Variants in SMOC2 observed in about 807,000 individuals in gnomAD.
SMOC2 encodes SPARC related modular calcium binding 2, also known as SPARC-related modular calcium-binding protein 2.
SMOC2 carries 39 observed loss-of-function variants against 61.4 expected under a neutral mutation model. That is an observed-to-expected ratio of 0.64 (90% CI 0.49 to 0.83). The LOEUF is 0.83. Among genes scored for constraint, SMOC2 ranks in the 40% least tolerant of loss-of-function variants. The pLI is 0.00. For synonymous variants in SMOC2, 247 were observed against 239.9 expected, an observed-to-expected ratio of 1.03 and a Z score of -0.27; for missense variants, 556 against 592.9, an observed-to-expected ratio of 0.94 and a Z score of 0.65.
chr6:168,537,648 A>G (rs1783763983), intron 4 of SMOC2, among the ~76,000 whole-genome samples: 2 of 152,246 alleles, frequency 1.3e-5, no homozygotes, highest in Non-Finnish European at 2.9e-5. Flanking sequence ...GGCTTCTCAC[A>G]GGCCTGGAGC....
At chr6:168,493,097 C>T (rs1782506357) in intron 1 of SMOC2, among the ~76,000 whole-genome samples, 1 of 151,878 alleles carries the variant, frequency 6.6e-6, no homozygotes, top group African/African-American at 2.4e-5. Flanking sequence ...AGTGCAGTGG[C>T]AGGATCTCAG....
intron 2 of SMOC2, among the ~76,000 whole-genome samples, chr6:168,510,446 T>G (rs973278001): frequency 2.0e-5 from 3 of 152,248 alleles, no homozygotes; most frequent in African/African-American, 7.2e-5. Context: ...CAGTTTTCAG[T>G]GATTTTTTGG....
At chr6:168,540,933 C>T (rs1340286824) in intron 4 of SMOC2, among the ~76,000 whole-genome samples, 1 of 152,182 alleles carries the variant, frequency 6.6e-6, no homozygotes, top group Non-Finnish European at 1.5e-5. Context: ...CCTCACTCAC[C>T]TGGGAAGGGC....
At chr6:168,643,079 G>A (rs1391740451) in intron 9 of SMOC2, among the ~76,000 whole-genome samples, 1 of 152,076 alleles carries the variant, frequency 6.6e-6, no homozygotes, top group Non-Finnish European at 1.5e-5. Flanking sequence ...AAAGCCCTAG[G>A]CCCTCTAACT....
chr6:168,543,987 C>T (rs1208931774), intron 5 of SMOC2, among the ~76,000 whole-genome samples: 3 of 152,100 alleles, frequency 2.0e-5, no homozygotes, highest in Non-Finnish European at 2.9e-5. Flanking sequence ...TATTTTGGCT[C>T]CCTGTGGGAT....
At chr6:168,465,576 GCTA>G (rs1289576958) in intron 1 of SMOC2, among the ~76,000 whole-genome samples, 1 of 152,124 alleles carries the variant, frequency 6.6e-6, no homozygotes, top group Non-Finnish European at 1.5e-5. Flanking sequence ...TGTTAAAAAT[GCTA>G]CTTCTTTTTT....
chr6:168,474,799 G>A (rs975017849), intron 1 of SMOC2, among the ~76,000 whole-genome samples: 2 of 152,084 alleles, frequency 1.3e-5, no homozygotes, highest in East Asian at 1.9e-4. Flanking sequence ...TGTAGAAAAC[G>A]TGTAACAAAT....
intron 2 of SMOC2, among the ~76,000 whole-genome samples, chr6:168,522,743 C>T (rs1283095050): frequency 4.6e-5 from 7 of 151,966 alleles, no homozygotes. Flanking sequence ...CTGGTGTAGA[C>T]ATACATCAGC....
Position 168,631,857 on chromosome 6 carries a change from G to C in SMOC2, c.908-18824G>C, listed in dbSNP as rs115885574. Among the ~76,000 whole-genome samples, 901 of 152,292 alleles carry C rather than the reference G, an allele frequency of 5.9e-3. 13 individuals carry two copies. The highest frequency in any genetic ancestry group is 0.02 in the African/African-American group (827 of 41,556). ...TCTTTCTTCAGGAATTCTCCCTGAA[G>C]AGCAGAGTGAAGAGTTCATTTCCTG... is the stretch of plus-strand genomic sequence containing the variant. On this transcript the variant is annotated intron_variant, in intron 9 of 12. Coordinates refer to ENST00000356284, the MANE Select transcript of SMOC2 (RefSeq NM_001166412.2).
At chr6:168,489,147 G>T (rs1390436162) in intron 1 of SMOC2, among the ~76,000 whole-genome samples, 1,158 of 77,844 alleles carry the variant, frequency 0.015, no homozygotes, top group Middle Eastern at 0.075. Flanking sequence ...TCACACTGTT[G>T]TAGAATGAAA....
At chr6:168,615,138 GCA>G (rs1786034495) in intron 9 of SMOC2, among the ~76,000 whole-genome samples, 1 of 13,682 alleles carries the variant, frequency 7.3e-5, no homozygotes, top group Admixed American at 1.1e-3. Context: ...TCTACAGCCA[GCA>G]CAGGGGGCCT....
chr6:168,503,950 C>T (rs941427767), intron 1 of SMOC2, among the ~76,000 whole-genome samples: 1 of 152,152 alleles, frequency 6.6e-6, no homozygotes, highest in African/African-American at 2.4e-5. Context: ...GGGAGGAGCC[C>T]AGCACCTCCT....
chr6:168,564,706 C>G (rs943820043), intron 7 of SMOC2, among the ~76,000 whole-genome samples: 1 of 152,198 alleles, frequency 6.6e-6, no homozygotes. Flanking sequence ...GTCTAAGGAA[C>G]TAGTGCCTCA....
intron 8 of SMOC2, among the ~76,000 whole-genome samples, chr6:168,607,870 G>GCAACGGGAGGAGGGGGAGGGGTGGGCGCT (rs1785751128): frequency 1.8e-5 from 1 of 56,204 alleles, no homozygotes; most frequent in Non-Finnish European, 3.9e-5. Context: ...GTGGGTGCTT[G>GCAACGGGAGGAGGGGGAGGGGTGGGCGCT]GCAGCTGCTA....
At chr6:168,480,388 T>C (rs79229952) in intron 1 of SMOC2, among the ~76,000 whole-genome samples, 1 of 151,840 alleles carries the variant, frequency 6.6e-6, no homozygotes, top group African/African-American at 2.4e-5. Context: ...GAAAATAATA[T>C]ATGAACAAAA....
At chr6:168,547,800 GT>G (rs1784042070) in intron 6 of SMOC2, among the ~76,000 whole-genome samples, 1 of 151,970 alleles carries the variant, frequency 6.6e-6, no homozygotes, top group South Asian at 2.1e-4. Flanking sequence ...GGCACCCACT[GT>G]TTTTCCTGAT....
chr6:168,570,544 T>G (rs1233469245), intron 7 of SMOC2, among the ~76,000 whole-genome samples: 2 of 152,158 alleles, frequency 1.3e-5, no homozygotes, highest in African/African-American at 2.4e-5. Flanking sequence ...TGGGATATAT[T>G]TCACCTCTTT....
chr6:168,453,594 TTCTG>T lies in SMOC2; in HGVS notation c.84+12148_84+12151del, dbSNP rs199884418. ...AGTCTCTGCCATTTGCTCTCTCTCTTTCTGTCTGTCTCTGTTTCTTCCTGTCTCT... is the reference window on the plus strand; with the variant it reads ...AGTCTCTGCCATTTGCTCTCTCTCTTTCTGTCTCTGTTTCTTCCTGTCTCT... On this transcript the variant is annotated intron_variant, in intron 1 of 12. Coordinates refer to ENST00000356284, the MANE Select transcript of SMOC2 (RefSeq NM_001166412.2). This position sits in a 1 kb window ranked among gnomAD's most constrained non-coding sequence, Gnocchi z 4.4. Among the ~76,000 whole-genome samples the T allele has an allele frequency of 9.2e-3, 1,375 of 148,930 alleles. 16 individuals carry two copies. Among genetic ancestry groups the T allele is most frequent in the African/African-American group, 0.03 (1,244 of 41,224 alleles).
At chr6:168,533,196 T>C (rs9455655) in intron 4 of SMOC2, among the ~76,000 whole-genome samples, 30,235 of 152,106 alleles carry the variant, frequency 0.2, 3,277 homozygotes, top group African/African-American at 0.26. Context: ...TGACTATGCG[T>C]CCATCTTCAC....
Sources: gnomAD v4.1 joint callset for allele counts (sites outside exome capture counted in the v4.1 genomes callset) on GRCh38, gnomAD v4.1.1 for gene constraint, Gnocchi (gnomAD v3.1) non-coding constraint, MANE v1.5 for transcripts, NCBI Gene and HGNC (gene_info 2026-07-23, HGNC 2026-07-21) for gene names.